The following CELF2 variants were observed in gnomAD, a reference collection of about 807,000 sequenced individuals.
The protein encoded by CELF2 is CUG triplet repeat RNA-binding protein 2.
In CELF2, 8 loss-of-function variants were observed where a neutral mutation model predicts 62.6. The ratio of observed to expected loss-of-function variants is 0.13; its 90% CI spans 0.07 to 0.23. The LOEUF is 0.23. Among genes scored for constraint, CELF2 ranks in the 10% least tolerant of loss-of-function variants. The pLI, the probability that CELF2 is intolerant of heterozygous loss-of-function variation, is 1.00. For missense variants in CELF2, 333 were observed against 671.0 expected (o/e 0.50, Z 5.56); for synonymous variants, 258 against 250.0 (o/e 1.03, Z -0.30).
chr10:11,021,588 G>A (rs2058326852), intron 1 of CELF2, among the ~76,000 whole-genome samples: 1 of 152,202 alleles, frequency 6.6e-6, no homozygotes, highest in Non-Finnish European at 1.5e-5. Context: ...GTTGTTAGTT[G>A]AGTGCCTGCC....
At chr10:10,832,291 A>T (rs1053224947) in intron 1 of CELF2, among the ~76,000 whole-genome samples, 3 of 151,032 alleles carry the variant, frequency 2.0e-5, no homozygotes, top group Middle Eastern at 3.4e-3. Flanking sequence ...AAAATAAATA[A>T]ATAAATAAGT....
At chr10:10,569,398 C>T in the CELF2 span, among the ~76,000 whole-genome samples, 220 of 152,106 alleles carry the variant, frequency 1.4e-3, no homozygotes, top group African/African-American at 3.8e-3. Flanking sequence ...CTCACTACCA[C>T]GAGAAAAGTA....
chr10:10,888,563 A>G (rs936077353), intron 1 of CELF2, among the ~76,000 whole-genome samples: 3 of 152,216 alleles, frequency 2.0e-5, no homozygotes, highest in Non-Finnish European at 4.4e-5. Context: ...CGAAAAAACC[A>G]AGACATTCCT....
At chr10:10,840,834 C>T (rs892656099) in intron 1 of CELF2, among the ~76,000 whole-genome samples, 1 of 152,086 alleles carries the variant, frequency 6.6e-6, no homozygotes, top group Non-Finnish European at 1.5e-5. Flanking sequence ...AATTCTCTCC[C>T]TCCCCTTGTC....
At chr10:10,856,453 T>A (rs1164347220) in intron 1 of CELF2, among the ~76,000 whole-genome samples, 3 of 152,154 alleles carry the variant, frequency 2.0e-5, no homozygotes, top group African/African-American at 7.2e-5. Context: ...AGACTTGTAA[T>A]TTTGGGGGAA....
chr10:11,289,246 C>A (rs1214181322), intron 9 of CELF2, among the ~76,000 whole-genome samples: 1 of 152,096 alleles, frequency 6.6e-6, no homozygotes, highest in African/African-American at 2.4e-5. Context: ...TTCCAGACCT[C>A]AATAGATGGT....
chr10:10,587,844 A>G, the CELF2 span, among the ~76,000 whole-genome samples: 1 of 152,076 alleles, frequency 6.6e-6, no homozygotes, highest in Non-Finnish European at 1.5e-5. Flanking sequence ...TACTGTGTAA[A>G]ACTAGCTTAT....
At chr10:11,143,790 T>C (rs2061762867) in intron 1 of CELF2, among the ~76,000 whole-genome samples, 1 of 152,248 alleles carries the variant, frequency 6.6e-6, no homozygotes, top group Non-Finnish European at 1.5e-5. Flanking sequence ...TCTAGACATA[T>C]ATTTGCATTT....
At chr10:10,488,006 C>A in the CELF2 span, among the ~76,000 whole-genome samples, 1 of 151,718 alleles carries the variant, frequency 6.6e-6, no homozygotes, top group East Asian at 1.9e-4. Flanking sequence ...ACAGTGAAAG[C>A]CAATATATTA....
At chr10:11,107,857 C>A (rs1325597776) in intron 1 of CELF2, among the ~76,000 whole-genome samples, 2 of 78,290 alleles carry the variant, frequency 2.6e-5, no homozygotes, top group Non-Finnish European at 6.2e-5. Flanking sequence ...TTCTCCCCAT[C>A]CCTTCTACCA....
the CELF2 span, among the ~76,000 whole-genome samples, chr10:10,672,179 C>T: frequency 6.6e-6 from 1 of 152,168 alleles, no homozygotes; most frequent in Non-Finnish European, 1.5e-5. Flanking sequence ...ATATTTATCG[C>T]CGGTCTGTGA....
At chr10:10,689,979 G>A in the CELF2 span, among the ~76,000 whole-genome samples, 1 of 152,132 alleles carries the variant, frequency 6.6e-6, no homozygotes, top group Admixed American at 6.6e-5. Flanking sequence ...CCAGTGGCAG[G>A]TTTCAGAATA....
At chr10:10,952,090 TTGAC>T in intron 2 of CELF2, 1 of 152,370 alleles carries the variant, frequency 6.6e-6, no homozygotes, top group Middle Eastern at 3.4e-3. Context: ...CCCTGAGTCA[TTGAC>T]TGAAGCCCCA....
At position 10,806,661 on chromosome 10, in the gene CELF2, A is replaced by G. The variant is rs185452431; in HGVS notation, c.53+7844A>G. Among the ~76,000 whole-genome samples the G allele has an allele frequency of 1.6e-3, 237 of 152,368 alleles. 1 individual carries two copies. The highest frequency in any genetic ancestry group is 5.5e-3 in the African/African-American group (228 of 41,592). ...CAGATCATGGAGCCAAATAGCAGCT[A>G]TAAGACAACACTGAGTCACAATAAG... is the stretch of plus-strand genomic sequence containing the variant. On this transcript the variant is annotated intron_variant, in intron 1 of 13. Transcript: ENST00000636488.
chr10:10,759,311 T>C, the CELF2 span, among the ~76,000 whole-genome samples: 362 of 141,266 alleles, frequency 2.6e-3, 10 homozygotes, highest in South Asian at 0.013. Flanking sequence ...TTTTTTTTTT[T>C]TTTTTTTTTT....
chr10:10,558,782 G>A, the CELF2 span, among the ~76,000 whole-genome samples: 1 of 152,090 alleles, frequency 6.6e-6, no homozygotes, highest in Non-Finnish European at 1.5e-5. Context: ...ATGTGTCGAG[G>A]AAATTTATCC....
chr10:10,627,933 C>T, the CELF2 span, among the ~76,000 whole-genome samples: 1 of 152,144 alleles, frequency 6.6e-6, no homozygotes, highest in Non-Finnish European at 1.5e-5. Flanking sequence ...GATAGAGTCT[C>T]GCTCTGTCAC....
At chr10:10,850,008 C>T (rs1031958538) in intron 1 of CELF2, among the ~76,000 whole-genome samples, 2 of 151,786 alleles carry the variant, frequency 1.3e-5, no homozygotes. Context: ...ATTAGCCGAG[C>T]ATGGTGGCGG....
At chr10:10,959,152 G>A (rs1366852977) in intron 2 of CELF2, among the ~76,000 whole-genome samples, 2 of 152,128 alleles carry the variant, frequency 1.3e-5, no homozygotes, top group East Asian at 3.9e-4. Context: ...AAGCATGGTG[G>A]TAGCTGTAGT....
Sources: allele counts gnomAD v4.1 joint callset (sites outside exome capture counted in the v4.1 genomes callset), GRCh38; gene constraint gnomAD v4.1.1; transcripts MANE v1.5; gene names NCBI Gene and HGNC (gene_info 2026-07-23, HGNC 2026-07-21).